Variants in ERN1 observed in about 807,000 individuals in gnomAD.
ERN1 encodes the protein serine/threonine-protein kinase/endoribonuclease IRE1.
A neutral mutation model predicts 113.1 loss-of-function variants in ERN1; 39 were observed. That is an observed-to-expected ratio of 0.34 (90% CI 0.27 to 0.45). ERN1 has a LOEUF of 0.45. Ranked by LOEUF, ERN1 falls within the 20% of genes least tolerant of loss-of-function variation. ERN1 has a pLI of 1.00. For synonymous variants in ERN1, 507 were observed against 515.9 expected, an observed-to-expected ratio of 0.98 and a Z score of 0.23; for missense variants, 976 against 1,274.8, an observed-to-expected ratio of 0.77 and a Z score of 3.57.
chr17:64,081,983 C>A (rs1363672262), intron 2 of ERN1, among the ~76,000 whole-genome samples: 2 of 152,190 alleles, frequency 1.3e-5, no homozygotes, highest in African/African-American at 2.4e-5. Context: ...ATGCTATACA[C>A]AACTTAATCT....
chr17:64,082,216 G>A (rs1913789061), intron 2 of ERN1, among the ~76,000 whole-genome samples: 1 of 152,176 alleles, frequency 6.6e-6, no homozygotes, highest in African/African-American at 2.4e-5. Flanking sequence ...ACCATATGCG[G>A]TCTGTGGGCA....
intron 2 of ERN1, among the ~76,000 whole-genome samples, chr17:64,087,378 G>C (rs1913965728): frequency 6.6e-6 from 1 of 152,176 alleles, no homozygotes; most frequent in South Asian, 2.1e-4. Context: ...AGTCCCACTT[G>C]CAACTGCTAT....
At chr17:64,110,761 T>C (rs1404160275) in intron 1 of ERN1, among the ~76,000 whole-genome samples, 1 of 152,254 alleles carries the variant, frequency 6.6e-6, no homozygotes, top group Admixed American at 6.5e-5. Context: ...AATTTCAGCA[T>C]AGGTTTTCTA....
At chr17:64,102,840 T>C in intron 1 of ERN1, 2 of 985,336 alleles carry the variant, frequency 2.0e-6, no homozygotes, top group Non-Finnish European at 2.4e-6. Context: ...TCTGCAGATC[T>C]GTTTCAAGTT....
At position 64,045,495 on chromosome 17, in the gene ERN1, C is replaced by T; in HGVS notation, c.2530-13G>A. On this transcript the variant is annotated splice_polypyrimidine_tract_variant and intron_variant, in intron 19 of 21. Transcript: ENST00000433197. ...TGTCGCTCACGTCCTGTGAGAGAAA[C>T]AAGGGCAGCAGATGATGGTCAGTGC... 1 of 1,613,824 alleles carries T rather than the reference C, an allele frequency of 6.2e-7. No individual in the cohort carries two copies. Among genetic ancestry groups the T allele is most frequent in the Non-Finnish European group, 8.5e-7 (1 of 1,179,828 alleles).
chr17:64,097,920 A>G, intron 2 of ERN1: 1 of 610,056 alleles, frequency 1.6e-6, no homozygotes, highest in Non-Finnish European at 2.8e-6. Flanking sequence ...TGCTTCTTTA[A>G]CTGATGCACT....
At position 64,060,469 on chromosome 17, in the gene ERN1, T is replaced by G; in HGVS notation, c.1206A>C (p.Glu402Asp). The change falls in exon 11 of 22, where the codon GAA (glutamate) becomes GAC (aspartate). Residue 402 changes from glutamate (E) to aspartate (D), a missense_variant and splice_region_variant. Transcript: ENST00000433197. ...CCCGACTGGTCGCTTCCTCACTCAC[T>G]TCCTCAAAGCTCTTTTTCTCTGAAT... ...PADSEKKSFE[E>D]VINLVDQTSE... The G allele has an allele frequency of 6.2e-7, 1 of 1,606,968 alleles. No individual in the cohort carries two copies. The highest frequency in any genetic ancestry group is 8.5e-7 in the Non-Finnish European group (1 of 1,173,522).
At chr17:64,084,121 T>TACTTCCCACC (rs1367958916) in intron 2 of ERN1, among the ~76,000 whole-genome samples, 5 of 151,968 alleles carry the variant, frequency 3.3e-5, no homozygotes, top group African/African-American at 1.2e-4. Flanking sequence ...ACACGCCCAC[T>TACTTCCCACC]ACTTCCCACC....
chr17:64,079,947 T>C (rs196948), intron 3 of ERN1, among the ~76,000 whole-genome samples: 94,712 of 152,022 alleles, frequency 0.62, 31,963 homozygotes, highest in South Asian at 0.77. Context: ...ACACTATCCT[T>C]GAGTGGAGAA....
chr17:64,048,879 T>C lies in ERN1; in HGVS notation c.2401+176A>G, dbSNP rs140927793. On this transcript the variant is annotated intron_variant, in intron 18 of 21. Coordinates refer to ENST00000433197, the MANE Select transcript of ERN1 (RefSeq NM_001433.5). ...GCTTTAGAAGGTGGCGCCCCAGAGA[T>C]AACCCTACCAACCCTCTACCAGATT... Among the ~76,000 whole-genome samples the C allele has an allele frequency of 8.9e-4, 136 of 152,198 alleles. 2 individuals are homozygous for C. Among genetic ancestry groups the C allele is most frequent in the African/African-American group, 2.7e-3 (114 of 41,542 alleles).
At chr17:64,069,723 G>A (rs1020543878) in intron 6 of ERN1, among the ~76,000 whole-genome samples, 1 of 152,178 alleles carries the variant, frequency 6.6e-6, no homozygotes, top group African/African-American at 2.4e-5. Context: ...GTTGGGTGGG[G>A]GATGGGAAGG....
chr17:64,104,259 T>C (rs1914462171), intron 1 of ERN1, among the ~76,000 whole-genome samples: 1 of 151,986 alleles, frequency 6.6e-6, no homozygotes, highest in Non-Finnish European at 1.5e-5. Flanking sequence ...AACAAACAAA[T>C]AAACAAACAA....
At chr17:64,085,416 C>T (rs1323852360) in intron 2 of ERN1, among the ~76,000 whole-genome samples, 1 of 152,162 alleles carries the variant, frequency 6.6e-6, no homozygotes, top group African/African-American at 2.4e-5. Flanking sequence ...TTTTAAGAAC[C>T]ATCTCTCACA....
intron 2 of ERN1, chr17:64,097,821 T>A (rs1034296486): frequency 1.1e-5 from 3 of 275,862 alleles, no homozygotes; most frequent in Non-Finnish European, 1.4e-5. Context: ...CATGTCTTCA[T>A]AAAGACCAAC....
chr17:64,048,292 G>C (rs190519443), intron 18 of ERN1, among the ~76,000 whole-genome samples: 68 of 152,304 alleles, frequency 4.5e-4, no homozygotes, highest in African/African-American at 1.5e-3. Context: ...GACGTGGAGA[G>C]AGATTCAAGG....
In ERN1 at chr17:64,049,853, G is replaced by A. The variant is rs1470268231; in HGVS notation, c.2254-651C>T. Among the ~76,000 whole-genome samples the A allele has an allele frequency of 6.6e-6, 1 of 152,184 alleles. No individual in the cohort carries two copies. The highest frequency in any genetic ancestry group is 1.5e-5 in the Non-Finnish European group (1 of 68,026). On this transcript the variant is annotated intron_variant, in intron 17 of 21. Coordinates refer to ENST00000433197, the MANE Select transcript of ERN1 (RefSeq NM_001433.5). The surrounding 1 kb of genome is among the most constrained non-coding windows in gnomAD (Gnocchi z 4.7). Reference sequence around the variant, plus strand: ...TGTACGTTTGTGTTTTTTAGCTCATGCTACCTGGGGTGTAATACCAAGGTG... The same window carrying A: ...TGTACGTTTGTGTTTTTTAGCTCATACTACCTGGGGTGTAATACCAAGGTG...
chr17:64,049,283 T>C lies in ERN1; in HGVS notation c.2254-81A>G. 7.2e-7 allele frequency: 1 copy of C among 1,381,316 alleles called. No individual in the cohort carries two copies. The highest frequency in any genetic ancestry group is 9.7e-7 in the Non-Finnish European group (1 of 1,026,326). 85.6% of individuals were successfully genotyped at this position (1,381,316 alleles called of 1,614,324 possible). A position where few individuals can be genotyped will look rare whatever the true frequency, so the allele number is the denominator to read the frequency against. ...ACAGTCAGGGAGGGAGGAGCATTGCTGCTGCTTCTGCCACCTAGAAGGTGT... is the reference window on the plus strand; with the variant it reads ...ACAGTCAGGGAGGGAGGAGCATTGCCGCTGCTTCTGCCACCTAGAAGGTGT... On this transcript the variant is annotated intron_variant, in intron 17 of 21. Transcript: ENST00000433197. This position sits in a 1 kb window ranked among gnomAD's most constrained non-coding sequence, Gnocchi z 4.7.
intron 1 of ERN1, among the ~76,000 whole-genome samples, chr17:64,102,090 G>A (rs1039189125): frequency 3.3e-5 from 5 of 152,074 alleles, no homozygotes; most frequent in African/African-American, 9.7e-5. Flanking sequence ...GACCAGCCTA[G>A]TCAACATGGT....
At position 64,130,110 on chromosome 17, in the gene ERN1, C is replaced by G; in HGVS notation, c.-81G>C. The G allele has an allele frequency of 1.1e-5, 14 of 1,239,558 alleles. No homozygotes were observed. Among genetic ancestry groups the G allele is most frequent in the Non-Finnish European group, 1.4e-5 (14 of 976,192 alleles). 76.8% of individuals were successfully genotyped at this position (1,239,558 alleles called of 1,614,324 possible). A position where few individuals can be genotyped will look rare whatever the true frequency, so the allele number is the denominator to read the frequency against. On this transcript the variant is annotated 5_prime_UTR_variant, in exon 1 of 22. Coordinates refer to ENST00000433197, the MANE Select transcript of ERN1 (RefSeq NM_001433.5). This position sits in a 1 kb window ranked among gnomAD's most constrained non-coding sequence, Gnocchi z 4.0. ...CGCCGCGACGACAGCGAGGCGGTGA[C>G]CGAGCCTCAGCGGACGCAGAACTGA... is the stretch of plus-strand genomic sequence containing the variant.
Sources: allele counts gnomAD v4.1 joint callset (sites outside exome capture counted in the v4.1 genomes callset), GRCh38; gene constraint gnomAD v4.1.1; non-coding constraint Gnocchi (gnomAD v3.1); transcripts MANE v1.5; gene names NCBI Gene and HGNC (gene_info 2026-07-23, HGNC 2026-07-21).